REDIC1: variants seen among roughly 807,000 people sequenced by gnomAD.
The protein encoded by REDIC1 is regulator of DNA class I crossover intermediates 1.
the REDIC1 span, among the ~76,000 whole-genome samples, chr12:39,713,502 A>G: frequency 6.7e-6 from 1 of 149,868 alleles, no homozygotes; most frequent in Non-Finnish European, 1.5e-5. Context: ...GTACACATAC[A>G]TATGTATACA....
the REDIC1 span, among the ~76,000 whole-genome samples, chr12:39,819,540 T>C: frequency 6.6e-6 from 1 of 152,172 alleles, no homozygotes; most frequent in African/African-American, 2.4e-5. Flanking sequence ...ATTTACACAT[T>C]CTACAATAAA....
the REDIC1 span, among the ~76,000 whole-genome samples, chr12:39,663,400 C>T: frequency 2.6e-5 from 4 of 151,954 alleles, no homozygotes; most frequent in African/African-American, 7.2e-5. Context: ...TGACTTAAAG[C>T]CTGCTCACTT....
At chr12:39,837,943 G>A in the REDIC1 span, among the ~76,000 whole-genome samples, 14 of 151,036 alleles carry the variant, frequency 9.3e-5, no homozygotes, top group Admixed American at 4.0e-4. Flanking sequence ...CGATTCCTCA[G>A]GGATCTAGAA....
At chr12:39,707,803 C>A in the REDIC1 span, among the ~76,000 whole-genome samples, 2 of 151,644 alleles carry the variant, frequency 1.3e-5, no homozygotes, top group African/African-American at 4.8e-5. Context: ...CCTTTAAAAT[C>A]AACTTGCCTA....
the REDIC1 span, among the ~76,000 whole-genome samples, chr12:39,639,014 G>A: frequency 4.9e-3 from 751 of 151,962 alleles, 2 homozygotes; most frequent in Non-Finnish European, 7.3e-3. Flanking sequence ...ATTTATTTTT[G>A]TTATCTCTTT....
chr12:39,632,016 A>G, the REDIC1 span, among the ~76,000 whole-genome samples: 1 of 149,874 alleles, frequency 6.7e-6, no homozygotes, highest in Admixed American at 6.8e-5. Context: ...TTTTTGCTTT[A>G]ATGTTCCCAT....
At chr12:39,687,356 T>A in the REDIC1 span, among the ~76,000 whole-genome samples, 1 of 152,216 alleles carries the variant, frequency 6.6e-6, no homozygotes, top group Non-Finnish European at 1.5e-5. Flanking sequence ...TTTCACATGC[T>A]GTATAGGAAG....
the REDIC1 span, chr12:39,647,024 G>T: frequency 1.8e-6 from 1 of 552,390 alleles, no homozygotes; most frequent in Non-Finnish European, 3.1e-6. Context: ...AGCTTTCCAG[G>T]TGAGAAATCT....
At chr12:39,787,136 G>A in the REDIC1 span, among the ~76,000 whole-genome samples, 1 of 152,040 alleles carries the variant, frequency 6.6e-6, no homozygotes, top group South Asian at 2.1e-4. Context: ...GATGGATTTC[G>A]GTATATGGCT....
the REDIC1 span, among the ~76,000 whole-genome samples, chr12:39,897,202 A>G: frequency 6.6e-6 from 1 of 152,168 alleles, no homozygotes; most frequent in Non-Finnish European, 1.5e-5. Context: ...CATCCATGAA[A>G]AAAGAGGATT....
the REDIC1 span, among the ~76,000 whole-genome samples, chr12:39,655,469 G>A: frequency 2.0e-5 from 3 of 152,036 alleles, no homozygotes; most frequent in Admixed American, 6.6e-5. Flanking sequence ...AGGCCCTCTG[G>A]TCTCTCCTGA....
the REDIC1 span, among the ~76,000 whole-genome samples, chr12:39,642,847 G>A: frequency 1.3e-5 from 2 of 151,740 alleles, no homozygotes; most frequent in African/African-American, 2.4e-5. Flanking sequence ...TCATTGGCAA[G>A]TCTGTTATAG....
At chr12:39,731,188 G>C in the REDIC1 span, among the ~76,000 whole-genome samples, 5 of 152,120 alleles carry the variant, frequency 3.3e-5, no homozygotes, top group Non-Finnish European at 7.4e-5. Context: ...GTCCAGTTTT[G>C]TTCCCTTGCT....
At chr12:39,855,071 TCACATA>T in the REDIC1 span, among the ~76,000 whole-genome samples, 2 of 152,188 alleles carry the variant, frequency 1.3e-5, no homozygotes, top group African/African-American at 4.8e-5. Context: ...ACAACAGAAG[TCACATA>T]TTTTCATATC....
At chr12:39,761,597 A>G in the REDIC1 span, among the ~76,000 whole-genome samples, 9 of 145,622 alleles carry the variant, frequency 6.2e-5, no homozygotes, top group African/African-American at 2.3e-4. Flanking sequence ...GGTGATACTG[A>G]TAAGCTAGCT....
chr12:39,697,670 CAATT>C, the REDIC1 span, among the ~76,000 whole-genome samples: 64 of 152,150 alleles, frequency 4.2e-4, 1 homozygote, highest in South Asian at 6.8e-3. Context: ...TTTATGCAAA[CAATT>C]AAGTTGTTAT....
the REDIC1 span, among the ~76,000 whole-genome samples, chr12:39,687,005 C>T: frequency 4.6e-5 from 7 of 152,326 alleles, 1 homozygote; most frequent in Admixed American, 4.6e-4. Context: ...ACCTTTGCTA[C>T]AGATCCCAAT....
the REDIC1 span, among the ~76,000 whole-genome samples, chr12:39,831,828 A>G: frequency 1.3e-5 from 2 of 152,058 alleles, no homozygotes; most frequent in African/African-American, 2.4e-5. Context: ...GCCTTCTACC[A>G]TAAGCTTCCT....
chr12:39,831,146 C>T, the REDIC1 span, among the ~76,000 whole-genome samples: 4 of 152,136 alleles, frequency 2.6e-5, no homozygotes, highest in African/African-American at 9.7e-5. Flanking sequence ...GCCCAAATCT[C>T]CCTGCTCCTT....
Sources: allele counts gnomAD v4.1 joint callset (sites outside exome capture counted in the v4.1 genomes callset), GRCh38; gene constraint gnomAD v4.1.1; transcripts MANE v1.5; gene names NCBI Gene and HGNC (gene_info 2026-07-23, HGNC 2026-07-21).